ERBB4: variants seen among roughly 807,000 people sequenced by gnomAD.
ERBB4 encodes the protein receptor tyrosine-protein kinase erbB-4.
In ERBB4, 42 loss-of-function variants were observed where a neutral mutation model predicts 158.0. That is an observed-to-expected ratio of 0.27 (90% CI 0.21 to 0.34). The LOEUF is 0.34. Among genes scored for constraint, ERBB4 ranks in the 10% least tolerant of loss-of-function variants. ERBB4 has a pLI of 1.00. For synonymous variants in ERBB4, 583 were observed against 558.7 expected (o/e 1.04, Z -0.61); for missense variants, 1,333 against 1,624.1 (o/e 0.82, Z 3.08).
intron 1 of ERBB4, among the ~76,000 whole-genome samples, chr2:212,132,727 C>T (rs566777432): frequency 6.6e-6 from 1 of 152,072 alleles, no homozygotes; most frequent in South Asian, 2.1e-4. Flanking sequence ...TCTCAGCCTC[C>T]ATAATTGTGT....
At chr2:211,619,148 A>T (rs751131284) in intron 19 of ERBB4, 29 bp downstream of exon 19, 1 of 1,354,266 alleles carries the variant, frequency 7.4e-7, no homozygotes, top group Non-Finnish European at 1.1e-6. Flanking sequence ...AATGGAGAAA[A>T]ATGTGATTGC....
intron 2 of ERBB4, among the ~76,000 whole-genome samples, chr2:212,009,830 C>A (rs1282015331): frequency 6.6e-6 from 1 of 152,126 alleles, no homozygotes; most frequent in Admixed American, 6.6e-5. Flanking sequence ...TTCTAAATGT[C>A]CCGGACATTT....
At chr2:211,434,878 C>T (rs1405445649) in intron 20 of ERBB4, among the ~76,000 whole-genome samples, 1 of 152,180 alleles carries the variant, frequency 6.6e-6, no homozygotes, top group Non-Finnish European at 1.5e-5. Context: ...AACTATGAAA[C>T]ATCATTATAC....
At chr2:211,886,067 T>C (rs1413577373) in intron 3 of ERBB4, among the ~76,000 whole-genome samples, 1 of 152,220 alleles carries the variant, frequency 6.6e-6, no homozygotes, top group Non-Finnish European at 1.5e-5. Flanking sequence ...TCAAATTTTA[T>C]TGCAAAGAGC....
intron 3 of ERBB4, among the ~76,000 whole-genome samples, chr2:211,867,024 CAAAAAAAAAAAAAAA>C (rs386392490): frequency 1.6e-5 from 1 of 60,632 alleles, no homozygotes; most frequent in African/African-American, 6.9e-5. Flanking sequence ...TCCTTAAAAC[CAAAAAAAAAAAAAAA>C]AAAAAAAAAA....
At chr2:211,405,478 C>A (rs952045328) in intron 25 of ERBB4, among the ~76,000 whole-genome samples, 1 of 152,160 alleles carries the variant, frequency 6.6e-6, no homozygotes, top group Non-Finnish European at 1.5e-5. Flanking sequence ...CCAGAGTTTT[C>A]TCCACCTATC....
At chr2:211,713,437 G>T (rs1330056047) in intron 8 of ERBB4, 98 bp downstream of exon 8, 2 of 749,090 alleles carry the variant, frequency 2.7e-6, no homozygotes, top group East Asian at 5.3e-5. Flanking sequence ...TTGGTTGTGA[G>T]AGTGGGTTTA....
intron 1 of ERBB4, among the ~76,000 whole-genome samples, chr2:212,489,430 A>G (rs1690153427): frequency 6.6e-6 from 1 of 151,894 alleles, no homozygotes; most frequent in Admixed American, 6.6e-5. Flanking sequence ...TACTTTTTCT[A>G]TTGCTCACTC....
chr2:211,991,728 A>G (rs577614393), intron 2 of ERBB4, among the ~76,000 whole-genome samples: 1 of 152,290 alleles, frequency 6.6e-6, no homozygotes, highest in South Asian at 2.1e-4. Flanking sequence ...TTGAATAGGA[A>G]TGAGACTAAG....
At chr2:211,833,959 C>T (rs1394288578) in intron 3 of ERBB4, among the ~76,000 whole-genome samples, 2 of 151,974 alleles carry the variant, frequency 1.3e-5, no homozygotes, top group South Asian at 2.1e-4. Flanking sequence ...GGATGCCACC[C>T]CTAGGTGCAT....
intron 20 of ERBB4, among the ~76,000 whole-genome samples, chr2:211,432,341 T>A (rs1039397835): frequency 2.6e-5 from 4 of 152,190 alleles, no homozygotes; most frequent in African/African-American, 9.6e-5. Context: ...AAAGAGAAGA[T>A]TACTTCAAAC....
intron 18 of ERBB4, among the ~76,000 whole-genome samples, chr2:211,620,718 G>T (rs2069568553): frequency 6.6e-6 from 1 of 152,092 alleles, no homozygotes; most frequent in African/African-American, 2.4e-5. Context: ...GTTATCTAGG[G>T]TGGAAAACAG....
At chr2:212,338,655 T>C (rs1449109181) in intron 1 of ERBB4, among the ~76,000 whole-genome samples, 1 of 152,136 alleles carries the variant, frequency 6.6e-6, no homozygotes, top group African/African-American at 2.4e-5. Context: ...ACAAGTGAAA[T>C]CAAGCAACTG....
At chr2:212,488,443 T>A (rs1037054063) in intron 1 of ERBB4, among the ~76,000 whole-genome samples, 4 of 151,998 alleles carry the variant, frequency 2.6e-5, no homozygotes, top group African/African-American at 9.7e-5. Context: ...GTTGTAAAAA[T>A]GATTTTCTAA....
At chr2:211,680,248 T>C (rs1278289380) in intron 12 of ERBB4, among the ~76,000 whole-genome samples, 1 of 152,190 alleles carries the variant, frequency 6.6e-6, no homozygotes, top group Non-Finnish European at 1.5e-5. Flanking sequence ...CCCTTTATAC[T>C]GAATATCTTT....
rs73083309 is a variant in ERBB4, at chr2:212,013,205, C to T, written c.235-65589G>A. Among the ~76,000 whole-genome samples, 947 of 152,162 alleles carry T rather than the reference C, an allele frequency of 6.2e-3. 8 individuals are homozygous for T. The highest frequency in any genetic ancestry group is 0.022 in the African/African-American group (897 of 41,510). Reference sequence around the variant, plus strand: ...TCAAGTAGCTAGGGCTACAGGCACTCACCCCAACGCCCAACTAATTTTTGT... The same window carrying T: ...TCAAGTAGCTAGGGCTACAGGCACTTACCCCAACGCCCAACTAATTTTTGT... On this transcript the variant is annotated intron_variant, in intron 2 of 27. Transcript: ENST00000342788.
intron 1 of ERBB4, among the ~76,000 whole-genome samples, chr2:212,259,872 C>A (rs1299097063): frequency 6.6e-6 from 1 of 151,892 alleles, no homozygotes; most frequent in Non-Finnish European, 1.5e-5. Context: ...GAGTTAGACC[C>A]CAGCCTGGCT....
chr2:212,405,315 G>C (rs888263690), intron 1 of ERBB4, among the ~76,000 whole-genome samples: 2 of 151,590 alleles, frequency 1.3e-5, no homozygotes, highest in African/African-American at 4.8e-5. Flanking sequence ...CAGAATGGCT[G>C]TTATTAAAAA....
chr2:211,917,809 G>A lies in ERBB4; in HGVS notation c.421+29621C>T, dbSNP rs578023731. On this transcript the variant is annotated intron_variant, in intron 3 of 27. Coordinates refer to ENST00000342788, the MANE Select transcript of ERBB4 (RefSeq NM_005235.3). ...CACTGATGGGTTTTGCCTGAACTGA[G>A]CATTCACTGAAGGGTTTTGAGGAGA... Among the ~76,000 whole-genome samples the A allele has an allele frequency of 3.2e-4, 49 of 152,286 alleles. 1 individual carries two copies. Among genetic ancestry groups the A allele is most frequent in the African/African-American group, 1.0e-3 (42 of 41,584 alleles).
Sources: allele counts gnomAD v4.1 joint callset (sites outside exome capture counted in the v4.1 genomes callset), GRCh38; gene constraint gnomAD v4.1.1; transcripts MANE v1.5; gene names NCBI Gene and HGNC (gene_info 2026-07-23, HGNC 2026-07-21).